The following BRSK2 variants were observed in gnomAD, a reference collection of about 807,000 sequenced individuals.
BRSK2 encodes the protein BR serine/threonine kinase 2.
In BRSK2, 19 loss-of-function variants were observed where a neutral mutation model predicts 83.3. The observed-to-expected ratio is 0.23, with a 90% confidence interval of 0.16 to 0.33. BRSK2 has a LOEUF of 0.33. Among genes scored for constraint, BRSK2 ranks in the 10% least tolerant of loss-of-function variants. The pLI is 1.00. For missense variants in BRSK2, 798 were observed against 1,042.3 expected, an observed-to-expected ratio of 0.77 and a Z score of 3.23; for synonymous variants, 519 against 435.4, an observed-to-expected ratio of 1.19 and a Z score of -2.39.
intron 2 of BRSK2, among the ~76,000 whole-genome samples, chr11:1,436,980 C>A (rs1346786443): frequency 6.6e-6 from 1 of 151,234 alleles, no homozygotes; most frequent in Non-Finnish European, 1.5e-5. Flanking sequence ...ACTGGGGAGG[C>A]CTGGGGACCC....
At chr11:1,452,049 C>T (rs78210548) in intron 15 of BRSK2, among the ~76,000 whole-genome samples, 3,510 of 152,242 alleles carry the variant, frequency 0.023, 58 homozygotes, top group Non-Finnish European at 0.033. Context: ...AGGCGACTGG[C>T]GGTGTACACA....
At position 1,454,669 on chromosome 11, in the gene BRSK2, C is replaced by G; in HGVS notation, c.1668+61C>G. On this transcript the variant is annotated intron_variant, in intron 16 of 19. Coordinates refer to ENST00000528841, the MANE Select transcript of BRSK2 (RefSeq NM_001256627.2). This position sits in a 1 kb window ranked among gnomAD's most constrained non-coding sequence, Gnocchi z 5.2. Reference sequence around the variant, plus strand: ...CTCCCAACCCCACACGGCCCAGCCCCGAGAATCCAGCCTCCTCACGTAGAC... The same window carrying G: ...CTCCCAACCCCACACGGCCCAGCCCGGAGAATCCAGCCTCCTCACGTAGAC... 6 of 1,594,362 alleles carry G rather than the reference C, an allele frequency of 3.8e-6. No homozygotes were observed. Among genetic ancestry groups the G allele is most frequent in the East Asian group, 2.2e-5 (1 of 44,644 alleles).
intron 1 of BRSK2, among the ~76,000 whole-genome samples, chr11:1,399,800 C>T (rs1206212348): frequency 6.6e-6 from 1 of 152,192 alleles, no homozygotes; most frequent in African/African-American, 2.4e-5. Flanking sequence ...CGGGCCCAGC[C>T]TCCTTCTTCC....
intron 9 of BRSK2, 69 bp from the exon 10 acceptor site, chr11:1,445,225 C>T (rs961541682): frequency 2.8e-5 from 42 of 1,525,596 alleles, no homozygotes; most frequent in Admixed American, 4.1e-5. Flanking sequence ...TGAGGGCGGG[C>T]GTCCCACCCT....
chr11:1,456,467 G>A lies in BRSK2; in HGVS notation c.1788G>A (p.Thr596=), dbSNP rs200677301. The A allele has an allele frequency of 6.0e-5, 95 of 1,577,566 alleles. No homozygotes were observed. The highest frequency in any genetic ancestry group is 7.7e-5 in the Non-Finnish European group (89 of 1,160,638). ...AGTTCCAGGTTGATATCACCTACAC[G>A]GAGGGTGGGGAGGCGCAGAAGGAGA... ...PVKFQVDITY[T]EGGEAQKENG... Residue 596 remains threonine (T), a synonymous_variant, in exon 17 of 20, where the codon ACG becomes ACA. Transcript: ENST00000528841.
chr11:1,420,247 C>T (rs1219891792), intron 1 of BRSK2, among the ~76,000 whole-genome samples: 7 of 152,200 alleles, frequency 4.6e-5, no homozygotes, highest in African/African-American at 9.6e-5. Context: ...GCCACAGGGC[C>T]GGCCCCTGCT....
intron 1 of BRSK2, among the ~76,000 whole-genome samples, chr11:1,407,644 A>G (rs1384431612): frequency 6.6e-6 from 1 of 152,220 alleles, no homozygotes; most frequent in East Asian, 1.9e-4. Context: ...CTAAACTAGG[A>G]CACTAGCTTC....
rs1416820109 is a variant in BRSK2 at position 1,454,459 on chromosome 11, C to CA, written c.1545-25dup. 1.9e-6 allele frequency: 3 copies of CA among 1,611,990 alleles called. No homozygotes were observed. In the African/African-American group the frequency reaches 4.0e-5, roughly 22 times the overall value. On this transcript the variant is annotated intron_variant, in intron 15 of 19. Transcript: ENST00000528841. The surrounding 1 kb of genome is among the most constrained non-coding windows in gnomAD (Gnocchi z 5.2). ...GTGGACGGTGCCACACCTCAATCCTCACAGCCTCTGTCTCCCACTGCCCAG... is the reference window on the plus strand; with the variant it reads ...GTGGACGGTGCCACACCTCAATCCTCAACAGCCTCTGTCTCCCACTGCCCAG...
rs536835587 is a variant in BRSK2 at position 1,396,632 on chromosome 11, C to T, written c.91+6257C>T. On this transcript the variant is annotated intron_variant, in intron 1 of 19. Transcript: ENST00000528841. The stretch of plus-strand genomic sequence containing the variant: ...AGGCCCCTTTGCCATCACCTGGTGG[C>T]GCTTGCTTGAGGGCTTCTGTGCCTT... 2.6e-5 allele frequency among the ~76,000 whole-genome samples: 4 copies of T among 152,364 alleles called. No individual in the cohort carries two copies. The East Asian group carries it at 5.8e-4, about 22-fold the overall frequency.
chr11:1,425,335 G>A (rs576324549), intron 1 of BRSK2, among the ~76,000 whole-genome samples: 38 of 152,318 alleles, frequency 2.5e-4, no homozygotes, highest in African/African-American at 7.5e-4. Context: ...TGGGGGCCTC[G>A]GGTCCTCAGC....
At position 1,459,193 on chromosome 11, in the gene BRSK2, C is replaced by T; in HGVS notation, c.1941C>T (p.Asp647=). 1 of 1,613,826 alleles carries T rather than the reference C, an allele frequency of 6.2e-7. No homozygotes were observed. The highest frequency in any genetic ancestry group is 8.5e-7 in the Non-Finnish European group (1 of 1,179,814). Residue 647 remains aspartate, a splice_region_variant and synonymous_variant, in exon 19 of 20, where the codon GAC becomes GAT. Transcript: ENST00000528841. ...HDPPAAQHLS[D]TTNCMEMMTG... ...TCCTCTCTCCATTCTGTACTCCAGA[C>T]ACCACTAACTGTATGGAAATGATGA...
At chr11:1,392,392 G>T (rs1845782847) in intron 1 of BRSK2, among the ~76,000 whole-genome samples, 1 of 152,212 alleles carries the variant, frequency 6.6e-6, no homozygotes, top group South Asian at 2.1e-4. Flanking sequence ...TTGCTTGGGG[G>T]GCCATTGGTG....
chr11:1,433,730 G>A (rs1345850528), intron 1 of BRSK2, among the ~76,000 whole-genome samples: 4 of 152,228 alleles, frequency 2.6e-5, no homozygotes, highest in African/African-American at 7.2e-5. Context: ...GTGCTCCTCC[G>A]GCTGAGCGAA....
At position 1,449,835 on chromosome 11, in the gene BRSK2, G is replaced by C; in HGVS notation, c.1286G>C (p.Arg429Pro). The change falls in exon 13 of 20, where the codon CGG becomes CCG. Residue 429 changes from arginine (R) to proline (P), a missense_variant and splice_region_variant. Physicochemically the swap from Arg to Pro is moderately radical, Grantham distance 103. This residue lies in a region of BRSK2 where 455 missense variants were observed against 455.2 expected (regional missense o/e 1.00). Coordinates refer to ENST00000528841, the MANE Select transcript of BRSK2 (RefSeq NM_001256627.2). ...TCCACCAGCCCACTCAGCAGCCCCCGGGTGAGTGACCCCCCGCCCCCACCC... is the reference window on the plus strand; with the variant it reads ...TCCACCAGCCCACTCAGCAGCCCCCCGGTGAGTGACCCCCCGCCCCCACCC... ...GLSTSPLSSP[R>P]VTPHPSPRGS... is the part of the protein sequence containing the mutation. 3 of 1,609,272 alleles carry C rather than the reference G, an allele frequency of 1.9e-6. No individual in the cohort carries two copies. The highest frequency in any genetic ancestry group is 2.5e-6 in the Non-Finnish European group (3 of 1,177,330).
At chr11:1,440,661 C>G (rs1411396153) in intron 3 of BRSK2, 127 bp from the exon 4 acceptor site, 4 of 1,280,270 alleles carry the variant, frequency 3.1e-6, no homozygotes, top group South Asian at 3.0e-5. Flanking sequence ...GCTGCCCCCC[C>G]AGCCAGCAAG....
At position 1,461,115 on chromosome 11, in the gene BRSK2, G is replaced by C. The variant is rs1437755778; in HGVS notation, c.*392G>C. The stretch of plus-strand genomic sequence containing the variant: ...CCAGCGCCCCGTCCACCCCGCGGCA[G>C]CTCCTCGCCTCAGCTCCGCACGGCC... On this transcript the variant is annotated 3_prime_UTR_variant, in exon 20 of 20. Transcript: ENST00000528841. 1.4e-6 allele frequency: 2 copies of C among 1,411,068 alleles called. No homozygotes were observed. Among genetic ancestry groups the C allele is most frequent in the Non-Finnish European group, 9.7e-7 (1 of 1,032,514 alleles). 87.4% of individuals were successfully genotyped at this position (1,411,068 alleles called of 1,614,324 possible).
intron 1 of BRSK2, among the ~76,000 whole-genome samples, chr11:1,408,811 TGGTG>T (rs1486362845): frequency 0.01 from 1,088 of 107,860 alleles, 18 homozygotes; most frequent in African/African-American, 0.032. Flanking sequence ...TTGCCTGTGC[TGGTG>T]TGTGTGTGTG....
At chr11:1,408,828 T>TGGGGG (rs1564801538) in intron 1 of BRSK2, among the ~76,000 whole-genome samples, 1 of 150,620 alleles carries the variant, frequency 6.6e-6, no homozygotes, top group African/African-American at 2.5e-5. Context: ...TGTGTGTGTG[T>TGGGGG]GTGTGTGGCT....
chr11:1,411,139 G>C (rs1847446204), intron 1 of BRSK2: 1 of 1,217,710 alleles, frequency 8.2e-7, no homozygotes, highest in Non-Finnish European at 1.0e-6. Flanking sequence ...CAGGGGCCTA[G>C]GGTGGGGGCT....
Sources: gnomAD v4.1 joint callset for allele counts (sites outside exome capture counted in the v4.1 genomes callset) on GRCh38, gnomAD v4.1.1 for gene constraint, gnomAD v4.1.1 regional missense constraint, Gnocchi (gnomAD v3.1) non-coding constraint, MANE v1.5 for transcripts, NCBI Gene and HGNC (gene_info 2026-07-23, HGNC 2026-07-21) for gene names.